Variants in TEX2 observed in about 807,000 individuals in gnomAD.
The protein encoded by TEX2 is testis expressed 2.
Under a neutral mutation model 106.9 loss-of-function variants are expected in TEX2, and 53 were observed. That is an observed-to-expected ratio of 0.50 (90% CI 0.40 to 0.62). TEX2 has a LOEUF of 0.62. TEX2 is among the 20% of genes least tolerant of loss of function. The pLI is 0.00. For synonymous variants in TEX2, 523 were observed against 534.8 expected (o/e 0.98, Z 0.30); for missense variants, 1,207 against 1,379.0 (o/e 0.88, Z 1.98).
chr17:64,171,030 G>T, intron 7 of TEX2, 70 bp downstream of exon 7: 1 of 1,249,044 alleles, frequency 8.0e-7, no homozygotes, highest in Non-Finnish European at 1.2e-6. Context: ...CAAACACAAA[G>T]CCATCATGGT....
intron 1 of TEX2, among the ~76,000 whole-genome samples, chr17:64,224,114 T>C (rs1479753990): frequency 6.6e-6 from 1 of 152,220 alleles, no homozygotes; most frequent in Non-Finnish European, 1.5e-5. Flanking sequence ...ATGAGTACCA[T>C]CTGCTAGCTT....
chr17:64,153,710 G>A lies in TEX2; in HGVS notation c.2931-556C>T, dbSNP rs2030477086. On this transcript the variant is annotated intron_variant, in intron 9 of 11. Transcript: ENST00000584379. This position sits in a 1 kb window ranked among gnomAD's most constrained non-coding sequence, Gnocchi z 4.1. ...GTGGCAATTACTTTTCAAAGGGCTT[G>A]GAACTTCTTAAAGAAAAATGTAGCC... 6.6e-6 allele frequency among the ~76,000 whole-genome samples: 1 copy of A among 152,134 alleles called. No individual in the cohort carries two copies. The highest frequency in any genetic ancestry group is 6.5e-5 in the Admixed American group (1 of 15,280).
chr17:64,151,089 C>A, intron 10 of TEX2, 128 bp from the exon 11 acceptor site: 4 of 1,119,776 alleles, frequency 3.6e-6, no homozygotes, highest in Non-Finnish European at 3.8e-6. Flanking sequence ...TCTGAAAATG[C>A]CCTCTAAAAA....
At chr17:64,208,264 G>T (rs2032897811) in intron 2 of TEX2, among the ~76,000 whole-genome samples, 1 of 151,960 alleles carries the variant, frequency 6.6e-6, no homozygotes. Context: ...TTTGAGACAG[G>T]GTCACACTCT....
At chr17:64,248,334 A>G (rs938248576) in intron 1 of TEX2, among the ~76,000 whole-genome samples, 1 of 152,212 alleles carries the variant, frequency 6.6e-6, no homozygotes, top group African/African-American at 2.4e-5. Context: ...ATGCTACTTA[A>G]AGAGTTAAAA....
At chr17:64,200,184 AT>A (rs1158856992) in intron 2 of TEX2, among the ~76,000 whole-genome samples, 9 of 148,334 alleles carry the variant, frequency 6.1e-5, no homozygotes, top group South Asian at 4.2e-4. Context: ...CAAACATATC[AT>A]TTTTTTAGCT....
chr17:64,207,186 C>G (rs1315042865), intron 2 of TEX2, among the ~76,000 whole-genome samples: 1 of 152,186 alleles, frequency 6.6e-6, no homozygotes, highest in Admixed American at 6.5e-5. Flanking sequence ...AGTAAAGGGG[C>G]AAGACTCTTA....
intron 7 of TEX2, among the ~76,000 whole-genome samples, chr17:64,161,465 G>A (rs538125917): frequency 6.6e-6 from 1 of 152,320 alleles, no homozygotes; most frequent in South Asian, 2.1e-4. Flanking sequence ...AACAGGAAGA[G>A]TGACAAAAAC....
rs150436719 is a variant in TEX2, at chr17:64,213,798, C to A, written c.420G>T (p.Ser140=). ...VPLAVSPGSS[S]SGPLASSPSV... The stretch of plus-strand genomic sequence containing the variant: ...TGGGAGAGCTAGCTAAGGGCCCCGA[C>A]GAAGACGACCCTGGGGACACAGCCA... The change falls in exon 2 of 12, where the codon TCG becomes TCT. Residue 140 remains serine (S), a synonymous_variant. Coordinates refer to ENST00000584379, the MANE Select transcript of TEX2 (RefSeq NM_001288732.2). This position sits in a 1 kb window ranked among gnomAD's most constrained non-coding sequence, Gnocchi z 4.4. 8.0e-5 allele frequency: 129 copies of A among 1,614,070 alleles called. 1 individual carries two copies. Among genetic ancestry groups the A allele is most frequent in the East Asian group, 4.2e-4 (19 of 44,898 alleles).
intron 1 of TEX2, among the ~76,000 whole-genome samples, chr17:64,259,133 A>G (rs2034242883): frequency 6.6e-6 from 1 of 152,156 alleles, no homozygotes; most frequent in African/African-American, 2.4e-5. Flanking sequence ...ATTTTGGGTG[A>G]TCCACGCAGC....
intron 1 of TEX2, among the ~76,000 whole-genome samples, chr17:64,221,120 A>G (rs1306361032): frequency 2.6e-5 from 4 of 152,222 alleles, no homozygotes; most frequent in African/African-American, 9.7e-5. Context: ...CAAACACTGC[A>G]TGTTCTTACT....
intron 1 of TEX2, among the ~76,000 whole-genome samples, chr17:64,227,641 T>A (rs2033543666): frequency 6.6e-6 from 1 of 152,258 alleles, no homozygotes; most frequent in African/African-American, 2.4e-5. Flanking sequence ...ACACTGTATG[T>A]ATGTATGTAA....
At chr17:64,247,510 G>C (rs1376633306) in intron 1 of TEX2, among the ~76,000 whole-genome samples, 1 of 150,988 alleles carries the variant, frequency 6.6e-6, no homozygotes, top group East Asian at 1.9e-4. Context: ...TTTGAGGGGA[G>C]TGGGGCTAGC....
chr17:64,235,903 AC>A (rs1555635082), intron 1 of TEX2, among the ~76,000 whole-genome samples: 1 of 152,112 alleles, frequency 6.6e-6, no homozygotes, highest in African/African-American at 2.4e-5. Context: ...CGAGACACAA[AC>A]AAGCTATATC....
chr17:64,150,386 G>C (rs2030290123), intron 11 of TEX2: 1 of 152,484 alleles, frequency 6.6e-6, no homozygotes, highest in African/African-American at 2.4e-5. Flanking sequence ...TGGACTCCCA[G>C]GGCAGGTGGT....
chr17:64,193,461 G>GGGGTTGGT, intron 4 of TEX2, 98 bp downstream of exon 4: 1 of 975,642 alleles, frequency 1.0e-6, no homozygotes, highest in Non-Finnish European at 1.4e-6. Context: ...AGTTCAGGGT[G>GGGGTTGGT]GGCTTCCTTC....
intron 1 of TEX2, among the ~76,000 whole-genome samples, chr17:64,246,065 A>C (rs144317203): frequency 6.6e-6 from 1 of 152,206 alleles, no homozygotes; most frequent in Non-Finnish European, 1.5e-5. Context: ...AGTCCTCAGA[A>C]GCAATATGGA....
chr17:64,166,668 A>G (rs1201775846), intron 7 of TEX2, among the ~76,000 whole-genome samples: 2 of 152,236 alleles, frequency 1.3e-5, no homozygotes, highest in Non-Finnish European at 1.5e-5. Flanking sequence ...AAAATGTACT[A>G]AAAAGGTAAC....
chr17:64,196,806 C>A (rs1181229696), intron 2 of TEX2, among the ~76,000 whole-genome samples: 1 of 151,994 alleles, frequency 6.6e-6, no homozygotes, highest in Non-Finnish European at 1.5e-5. Flanking sequence ...GTCTTGCATT[C>A]TCAGGATTAA....
Sources: gnomAD v4.1 joint callset for allele counts (sites outside exome capture counted in the v4.1 genomes callset) on GRCh38, gnomAD v4.1.1 for gene constraint, Gnocchi (gnomAD v3.1) non-coding constraint, MANE v1.5 for transcripts, NCBI Gene and HGNC (gene_info 2026-07-23, HGNC 2026-07-21) for gene names.